Variants in CLMP observed in about 807,000 individuals in gnomAD.
The protein encoded by CLMP is CXADR-like membrane protein.
CLMP carries 27 observed loss-of-function variants against 45.2 expected under a neutral mutation model. The ratio of observed to expected loss-of-function variants is 0.60; its 90% confidence interval spans 0.44 to 0.82. The LOEUF is 0.82. Ranked by LOEUF, CLMP falls within the 40% of genes least tolerant of loss-of-function variation. CLMP has a pLI of 0.00. For synonymous variants in CLMP, 167 were observed against 171.4 expected, an observed-to-expected ratio of 0.97 and a Z score of 0.20; for missense variants, 403 against 448.4, an observed-to-expected ratio of 0.90 and a Z score of 0.91.
intron 1 of CLMP, among the ~76,000 whole-genome samples, chr11:123,166,801 GA>G (rs1373328014): frequency 6.6e-6 from 1 of 152,190 alleles, no homozygotes; most frequent in Non-Finnish European, 1.5e-5. Context: ...TCACCACAAG[GA>G]AATGATACAT....
chr11:123,170,626 A>T (rs1419877247), intron 1 of CLMP, among the ~76,000 whole-genome samples: 1 of 152,122 alleles, frequency 6.6e-6, no homozygotes, highest in Non-Finnish European at 1.5e-5. Context: ...TTTTTAGTAC[A>T]GATGGGGTTT....
rs112228199 is a variant in CLMP, at chr11:123,189,934, A to G, written c.28+4979T>C. ...GGAGAATCGCTTGAACTCGGAAGGC[A>G]GGGGTTGCAGTGAGTGGAGACTGTG... On this transcript the variant is annotated intron_variant, in intron 1 of 6. Transcript: ENST00000448775. 5.0e-3 allele frequency among the ~76,000 whole-genome samples: 744 copies of G among 149,198 alleles called. 7 individuals are homozygous for G. Among genetic ancestry groups the G allele is most frequent in the African/African-American group, 0.016 (655 of 40,312 alleles).
At chr11:123,134,406 T>C (rs145371023) in intron 1 of CLMP, among the ~76,000 whole-genome samples, 111 of 152,298 alleles carry the variant, frequency 7.3e-4, no homozygotes, top group African/African-American at 2.4e-3. Flanking sequence ...AGTATTATGA[T>C]TAATTTTTTC....
chr11:123,145,645 G>T (rs1447244998), intron 1 of CLMP, among the ~76,000 whole-genome samples: 2 of 151,914 alleles, frequency 1.3e-5, no homozygotes, highest in Non-Finnish European at 2.9e-5. Flanking sequence ...TTTATTTTTA[G>T]TAGAGACGGA....
intron 5 of CLMP, among the ~76,000 whole-genome samples, chr11:123,081,175 AACC>A (rs1865799839): frequency 6.6e-6 from 1 of 150,740 alleles, no homozygotes; most frequent in East Asian, 2.0e-4. Context: ...AACAAAAAAA[AACC>A]AACAACAAAA....
intron 1 of CLMP, among the ~76,000 whole-genome samples, chr11:123,106,867 A>C (rs1421042079): frequency 6.6e-6 from 1 of 151,812 alleles, no homozygotes; most frequent in Non-Finnish European, 1.5e-5. Flanking sequence ...AAAAATACAA[A>C]AAATTAGCCC....
intron 1 of CLMP, among the ~76,000 whole-genome samples, chr11:123,177,324 G>T (rs1861711734): frequency 6.6e-6 from 1 of 152,190 alleles, no homozygotes; most frequent in South Asian, 2.1e-4. Context: ...AGATGGGAGG[G>T]TGGGGAGTGG....
chr11:123,183,211 T>C (rs1253121183), intron 1 of CLMP, among the ~76,000 whole-genome samples: 2 of 152,172 alleles, frequency 1.3e-5, no homozygotes, highest in Non-Finnish European at 2.9e-5. Flanking sequence ...CCACTGCTGC[T>C]AGTCTGAGGG....
intron 2 of CLMP, among the ~76,000 whole-genome samples, chr11:123,097,189 G>A (rs111538248): frequency 0.075 from 11,288 of 151,416 alleles, 519 homozygotes; most frequent in East Asian, 0.15. Flanking sequence ...GGGTCTTGCT[G>A]TATTGCCCAG....
chr11:123,166,626 C>T (rs1861560434), intron 1 of CLMP, among the ~76,000 whole-genome samples: 1 of 152,182 alleles, frequency 6.6e-6, no homozygotes, highest in Non-Finnish European at 1.5e-5. Context: ...GCTTTTAGGT[C>T]TTCCTGACTT....
chr11:123,106,410 TGTGTGTGTGTGTGTGC>T (rs1168263382), intron 1 of CLMP, among the ~76,000 whole-genome samples: 3 of 125,360 alleles, frequency 2.4e-5, no homozygotes, highest in South Asian at 2.5e-4. Flanking sequence ...TGTGTGTGTG[TGTGTGTGTGTGTGTGC>T]GCGCGCGCGC....
At chr11:123,084,466 A>G in intron 3 of CLMP, 46 bp downstream of exon 3, 1 of 1,497,014 alleles carries the variant, frequency 6.7e-7, no homozygotes, top group Non-Finnish European at 9.3e-7. Context: ...CCTCTTAGAT[A>G]CCTTAGAAAT....
chr11:123,167,978 GAC>G lies in CLMP; in HGVS notation c.28+26933_28+26934del, dbSNP rs539999415. Among the ~76,000 whole-genome samples, 240 of 152,290 alleles carry G rather than the reference GAC, an allele frequency of 1.6e-3. 2 individuals are homozygous for G. In the South Asian group the frequency reaches 0.021, roughly 13 times the overall value. ...GGAAAGACAGACAGACAGACAGACA[GAC>G]AGACAGGCTACTTAGCATGAACGAT... On this transcript the variant is annotated intron_variant, in intron 1 of 6. Coordinates refer to ENST00000448775, the MANE Select transcript of CLMP (RefSeq NM_024769.5).
chr11:123,147,287 C>T (rs1022195205), intron 1 of CLMP, among the ~76,000 whole-genome samples: 10 of 152,048 alleles, frequency 6.6e-5, no homozygotes, highest in Non-Finnish European at 7.4e-5. Flanking sequence ...GCACATGAAC[C>T]GTCACACAAT....
intron 2 of CLMP, among the ~76,000 whole-genome samples, chr11:123,085,542 C>G (rs970131881): frequency 1.3e-5 from 2 of 150,070 alleles, no homozygotes; most frequent in Non-Finnish European, 3.0e-5. Context: ...AGCCACCACG[C>G]CTGGCCTGCC....
chr11:123,126,226 A>G (rs988945471), intron 1 of CLMP, among the ~76,000 whole-genome samples: 1 of 152,096 alleles, frequency 6.6e-6, no homozygotes, highest in African/African-American at 2.4e-5. Context: ...CTCCTACTGC[A>G]TGTTAAATTC....
At chr11:123,139,655 T>C (rs1387541224) in intron 1 of CLMP, among the ~76,000 whole-genome samples, 1 of 151,880 alleles carries the variant, frequency 6.6e-6, no homozygotes, top group African/African-American at 2.4e-5. Context: ...TGAAACCTCG[T>C]CTCTACTAAA....
chr11:123,080,253 C>T (rs1865789312), intron 5 of CLMP, among the ~76,000 whole-genome samples: 1 of 151,898 alleles, frequency 6.6e-6, no homozygotes, highest in Non-Finnish European at 1.5e-5. Context: ...ACCATCACTT[C>T]TGCTGTATTA....
chr11:123,099,965 T>C (rs1866035551), intron 1 of CLMP, among the ~76,000 whole-genome samples: 1 of 152,104 alleles, frequency 6.6e-6, no homozygotes, highest in Non-Finnish European at 1.5e-5. Context: ...TGCTCTAGGA[T>C]AGTGGTGAAG....
Sources: gnomAD v4.1 joint callset for allele counts (sites outside exome capture counted in the v4.1 genomes callset) on GRCh38, gnomAD v4.1.1 for gene constraint, MANE v1.5 for transcripts, NCBI Gene and HGNC (gene_info 2026-07-23, HGNC 2026-07-21) for gene names.